Variants in IFT25 observed in about 807,000 individuals in gnomAD.
The protein encoded by IFT25 is intraflagellar transport 25.
the IFT25 span, among the ~76,000 whole-genome samples, chr1:53,918,987 T>C: frequency 5.9e-3 from 903 of 152,226 alleles, 9 homozygotes; most frequent in African/African-American, 0.021. Context: ...TACAGGCGCA[T>C]GCCACCACAC....
the IFT25 span, among the ~76,000 whole-genome samples, chr1:53,924,512 T>C: frequency 1.3e-4 from 20 of 152,342 alleles, no homozygotes; most frequent in East Asian, 3.9e-3. Flanking sequence ...ACAATTCTTC[T>C]GGAAACATGA....
the IFT25 span, chr1:53,945,870 TCCACCGAGTTCCCGGGCGCGCTCGCTCCA>T: frequency 6.3e-5 from 1 of 15,878 alleles, no homozygotes; most frequent in African/African-American, 8.9e-4. Context: ...CACCGCGGCC[TCCACCGAGTTCCCGGGCGCGCTCGCTCCA>T]CCGAGTTCCC....
the IFT25 span, among the ~76,000 whole-genome samples, chr1:53,931,577 T>C: frequency 9.4e-4 from 143 of 152,358 alleles, 1 homozygote; most frequent in Admixed American, 8.7e-3. Flanking sequence ...GAATTTCCAA[T>C]TGATCTTGTG....
At chr1:53,943,920 C>T in the IFT25 span, among the ~76,000 whole-genome samples, 8 of 152,150 alleles carry the variant, frequency 5.3e-5, no homozygotes, top group South Asian at 1.0e-3. Flanking sequence ...CTGTGTCCGG[C>T]GGATAACTTG....
the IFT25 span, among the ~76,000 whole-genome samples, chr1:53,920,001 GT>G: frequency 6.6e-6 from 1 of 152,110 alleles, no homozygotes; most frequent in Non-Finnish European, 1.5e-5. Flanking sequence ...GTCTAGCTAT[GT>G]TGCTCAGGCT....
the IFT25 span, among the ~76,000 whole-genome samples, chr1:53,938,549 T>C: frequency 6.6e-6 from 1 of 152,308 alleles, no homozygotes; most frequent in African/African-American, 2.4e-5. Flanking sequence ...GGCTTCAAGA[T>C]ATGCAAAGAA....
At chr1:53,940,725 T>A in the IFT25 span, among the ~76,000 whole-genome samples, 1 of 152,124 alleles carries the variant, frequency 6.6e-6, no homozygotes, top group African/African-American at 2.4e-5. Context: ...TTTTAGTTTT[T>A]TAGAAATAGG....
chr1:53,923,791 G>A, the IFT25 span: 29 of 717,634 alleles, frequency 4.0e-5, no homozygotes, highest in South Asian at 4.3e-4. Flanking sequence ...GTTGATTTAG[G>A]TACAAACCTA....
the IFT25 span, chr1:53,921,753 G>A: frequency 7.4e-5 from 120 of 1,612,082 alleles, no homozygotes; most frequent in South Asian, 4.8e-4. Context: ...AGTAAGTAGC[G>A]GAGCCATCAT....
At chr1:53,939,666 C>T in the IFT25 span, 5 of 275,574 alleles carry the variant, frequency 1.8e-5, no homozygotes, top group East Asian at 1.1e-4. Flanking sequence ...CCAAGAAAAA[C>T]GGAGTAAAAC....
chr1:53,923,943 C>T, the IFT25 span: 1 of 1,588,096 alleles, frequency 6.3e-7, no homozygotes, highest in Non-Finnish European at 8.6e-7. Flanking sequence ...CTGTGTGTAC[C>T]AAATCTAAAA....
the IFT25 span, among the ~76,000 whole-genome samples, chr1:53,926,641 C>T: frequency 2.4e-4 from 36 of 152,114 alleles, no homozygotes; most frequent in African/African-American, 5.3e-4. Flanking sequence ...ACTGCTTTCT[C>T]TCCCCTACAC....
the IFT25 span, among the ~76,000 whole-genome samples, chr1:53,932,765 C>G: frequency 3.9e-5 from 6 of 152,270 alleles, no homozygotes; most frequent in East Asian, 1.2e-3. Flanking sequence ...GGGGTTTTGT[C>G]ATGTTGTCCA....
chr1:53,930,181 A>T, the IFT25 span: 1 of 1,519,880 alleles, frequency 6.6e-7, no homozygotes, highest in South Asian at 1.3e-5. Context: ...AAGAATAGCC[A>T]AATATAAATG....
the IFT25 span, among the ~76,000 whole-genome samples, chr1:53,938,935 G>A: frequency 4.9e-4 from 75 of 152,136 alleles, no homozygotes; most frequent in Admixed American, 3.7e-3. Context: ...TTAGCCAGGC[G>A]TGGTGGCGCA....
the IFT25 span, among the ~76,000 whole-genome samples, chr1:53,927,011 C>T: frequency 6.6e-6 from 1 of 152,170 alleles, no homozygotes; most frequent in Non-Finnish European, 1.5e-5. Flanking sequence ...AGGCATGAGC[C>T]ACTGTGCCCA....
chr1:53,928,487 T>A, the IFT25 span: 1 of 1,407,630 alleles, frequency 7.1e-7, no homozygotes, highest in South Asian at 1.2e-5. Context: ...GGCTGTATGT[T>A]TTTGTCCCTA....
the IFT25 span, among the ~76,000 whole-genome samples, chr1:53,918,165 TAA>T: frequency 3.9e-5 from 6 of 152,172 alleles, no homozygotes; most frequent in Non-Finnish European, 7.3e-5. Flanking sequence ...AGCTGACTGA[TAA>T]AAACAGAATT....
the IFT25 span, among the ~76,000 whole-genome samples, chr1:53,927,897 T>C: frequency 6.6e-6 from 1 of 152,252 alleles, no homozygotes; most frequent in Non-Finnish European, 1.5e-5. Context: ...TTTGTCCTTG[T>C]AGGTTTATGC....
Sources: allele counts gnomAD v4.1 joint callset (sites outside exome capture counted in the v4.1 genomes callset), GRCh38; gene constraint gnomAD v4.1.1; transcripts MANE v1.5; gene names NCBI Gene and HGNC (gene_info 2026-07-23, HGNC 2026-07-21).